Variants in FRMPD4 observed in about 807,000 individuals in gnomAD.
The protein encoded by FRMPD4 is FERM and PDZ domain-containing protein 4.
A neutral mutation model predicts 94.1 loss-of-function variants in FRMPD4; 22 were observed. That is an observed-to-expected ratio of 0.23 (90% confidence interval 0.17 to 0.33). The LOEUF (loss-of-function observed/expected upper bound fraction) is 0.33, where lower values mean the gene tolerates loss of function less well. Ranked by LOEUF, FRMPD4 falls within the 10% of genes least tolerant of loss-of-function variation. The pLI is 1.00. For missense variants in FRMPD4, 1,111 were observed against 1,339.9 expected (o/e 0.83, Z 2.67); for synonymous variants, 631 against 548.6 (o/e 1.15, Z -2.10).
intron 1 of FRMPD4, among the ~76,000 whole-genome samples, chrX:12,448,494 TAC>T (rs1179503018): frequency 8.9e-6 from 1 of 112,066 alleles, no homozygotes; most frequent in Non-Finnish European, 1.9e-5. Context: ...GACCAATAAG[TAC>T]AGTTTTGGTC....
At chrX:12,028,687 C>T (rs1419441064) in intron 3 of FRMPD4, among the ~76,000 whole-genome samples, 3 of 111,426 alleles carry the variant, frequency 2.7e-5, no homozygotes, top group Non-Finnish European at 5.7e-5. Context: ...TTTTTACTAT[C>T]TGCATAGTTT....
chrX:12,516,351 C>T (rs2058096295), intron 2 of FRMPD4, among the ~76,000 whole-genome samples: 1 of 111,747 alleles, frequency 8.9e-6, no homozygotes, highest in Non-Finnish European at 1.9e-5. Context: ...TTTTCCTTTC[C>T]ATATTTAGTG....
intron 1 of FRMPD4, among the ~76,000 whole-genome samples, chrX:12,461,831 T>C (rs1569285621): frequency 2.7e-5 from 3 of 111,809 alleles, no homozygotes; most frequent in Admixed American, 9.5e-5. Context: ...TGACTTTTAC[T>C]AAACCTTTTT....
At chrX:12,648,873 T>C (rs1156245295) in intron 4 of FRMPD4, among the ~76,000 whole-genome samples, 1 of 112,501 alleles carries the variant, frequency 8.9e-6, no homozygotes, top group Non-Finnish European at 1.9e-5. Context: ...ACAAGATGCT[T>C]ACTCGCATTG....
At chrX:12,577,960 T>C (rs1268196548) in intron 2 of FRMPD4, among the ~76,000 whole-genome samples, 1 of 112,580 alleles carries the variant, frequency 8.9e-6, no homozygotes, top group Non-Finnish European at 1.9e-5. Flanking sequence ...AAGTCCATGA[T>C]TAGTGTGCCA....
intron 3 of FRMPD4, among the ~76,000 whole-genome samples, chrX:12,081,855 A>G (rs1337502486): frequency 9.0e-6 from 1 of 111,730 alleles, no homozygotes; most frequent in Non-Finnish European, 1.9e-5. Flanking sequence ...GGAGTGAGCC[A>G]CCATAAATAT....
At chrX:12,295,867 G>A (rs1176712242) in intron 1 of FRMPD4, among the ~76,000 whole-genome samples, 1 of 112,230 alleles carries the variant, frequency 8.9e-6, no homozygotes, top group Non-Finnish European at 1.9e-5. Flanking sequence ...ATTTAGTGGA[G>A]AGGGCTGGCA....
At chrX:11,840,715 ATTTTTAT>A (rs774740401) in intron 1 of FRMPD4, among the ~76,000 whole-genome samples, 2,616 of 98,553 alleles carry the variant, frequency 0.027, 89 homozygotes, top group African/African-American at 0.089. Context: ...GTTCCTTTAT[ATTTTTAT>A]TTTTTATTTT....
At chrX:12,283,374 T>C (rs978171698) in intron 1 of FRMPD4, among the ~76,000 whole-genome samples, 1 of 113,135 alleles carries the variant, frequency 8.8e-6, no homozygotes, top group Non-Finnish European at 1.9e-5. Context: ...GCAAATTAAG[T>C]ATGTCTTCAG....
intron 1 of FRMPD4, among the ~76,000 whole-genome samples, chrX:12,488,958 A>G (rs1206744831): frequency 8.9e-6 from 1 of 112,350 alleles, no homozygotes; most frequent in African/African-American, 3.2e-5. Flanking sequence ...GTTGGAACAC[A>G]GCCATGTCCG....
chrX:12,456,373 A>AAAT (rs2148147170), intron 1 of FRMPD4, among the ~76,000 whole-genome samples: 1 of 111,468 alleles, frequency 9.0e-6, no homozygotes, highest in East Asian at 2.8e-4. Context: ...GAGAGTCAAT[A>AAAT]AATTATTAAT....
chrX:11,972,157 A>G (rs1157656163), intron 3 of FRMPD4, among the ~76,000 whole-genome samples: 1 of 112,354 alleles, frequency 8.9e-6, no homozygotes, highest in East Asian at 2.8e-4. Flanking sequence ...CATTCCCTTT[A>G]TCACTTAAGC....
chrX:12,471,895 T>C (rs1483051029), intron 1 of FRMPD4, among the ~76,000 whole-genome samples: 1 of 111,804 alleles, frequency 8.9e-6, no homozygotes, highest in Non-Finnish European at 1.9e-5. Context: ...CTGTTCACCA[T>C]GAGGTGATGA....
At chrX:12,454,964 C>G (rs1275111085) in intron 1 of FRMPD4, among the ~76,000 whole-genome samples, 1 of 110,539 alleles carries the variant, frequency 9.0e-6, no homozygotes, top group African/African-American at 3.3e-5. Context: ...GTGAAAACAA[C>G]TTATAAATTC....
chrX:12,513,292 G>T (rs2058063360), intron 2 of FRMPD4, among the ~76,000 whole-genome samples: 1 of 111,816 alleles, frequency 8.9e-6, no homozygotes, highest in South Asian at 3.7e-4. Context: ...ATCTTTGCCT[G>T]TGCCTACGTC....
chrX:12,627,985 C>T (rs1485613436), intron 4 of FRMPD4, among the ~76,000 whole-genome samples: 2 of 111,607 alleles, frequency 1.8e-5, no homozygotes, highest in Non-Finnish European at 3.8e-5. Context: ...AAAAAAAAAT[C>T]ATTTTGGTGA....
At chrX:12,290,662 CATATTT>C (rs1307021234) in intron 1 of FRMPD4, among the ~76,000 whole-genome samples, 1 of 111,684 alleles carries the variant, frequency 9.0e-6, no homozygotes, top group African/African-American at 3.3e-5. Context: ...GTGTAGTACT[CATATTT>C]ATATTTCTAT....
Position 12,522,594 on chromosome X carries a change from CTTTTTTTTTTTT to C in FRMPD4, c.158+23808_158+23819del, listed in dbSNP as rs373581040. ...TTTAATGGCAATTGATTTTCTTTTC[CTTTTTTTTTTTT>C]TTTTTTTTTCTTTTGAGACAGAGTC... On this transcript the variant is annotated intron_variant, in intron 2 of 16. Transcript: ENST00000675598. 1.1e-3 allele frequency among the ~76,000 whole-genome samples: 85 copies of C among 74,545 alleles called. 1 individual carries two copies. Among genetic ancestry groups the C allele is most frequent in the African/African-American group, 4.6e-3 (79 of 17,172 alleles). 64.7% of individuals were successfully genotyped at this position (74,545 alleles called of 115,157 possible).
intron 3 of FRMPD4, among the ~76,000 whole-genome samples, chrX:12,100,281 G>A (rs1392419883): frequency 4.5e-5 from 5 of 111,793 alleles, no homozygotes; most frequent in African/African-American, 1.3e-4. Context: ...ACTAAAGCTA[G>A]GATTCATTCA....
Sources: allele counts gnomAD v4.1 joint callset (sites outside exome capture counted in the v4.1 genomes callset), GRCh38; gene constraint gnomAD v4.1.1; transcripts MANE v1.5; gene names NCBI Gene and HGNC (gene_info 2026-07-23, HGNC 2026-07-21).